Variants in RAB3C observed in about 807,000 individuals in gnomAD.
RAB3C encodes the protein RAB3C, member RAS oncogene family.
Under a neutral mutation model 26.4 loss-of-function variants are expected in RAB3C, and 17 were observed. That is an observed-to-expected ratio of 0.64 (90% CI 0.44 to 0.97). RAB3C has a LOEUF of 0.97. Ranked by LOEUF, RAB3C falls within the 50% of genes least tolerant of loss-of-function variation. RAB3C has a pLI of 0.00. For missense variants in RAB3C, 242 were observed against 281.9 expected (o/e 0.86, Z 1.01); for synonymous variants, 91 against 95.9 (o/e 0.95, Z 0.30).
chr5:58,826,028 A>G (rs944851024), intron 4 of RAB3C, among the ~76,000 whole-genome samples: 4 of 152,190 alleles, frequency 2.6e-5, no homozygotes, highest in African/African-American at 9.7e-5. Context: ...AAACAGGTCA[A>G]TGAGGAGATA....
At chr5:58,610,194 CTGTGTGTGTG>C (rs1168785442) in intron 1 of RAB3C, among the ~76,000 whole-genome samples, 2 of 143,386 alleles carry the variant, frequency 1.4e-5, no homozygotes, top group East Asian at 2.1e-4. Context: ...TTTTGTTTTT[CTGTGTGTGTG>C]TGTGTGTGTG....
chr5:58,768,610 A>G (rs1337904026), intron 3 of RAB3C, among the ~76,000 whole-genome samples: 1 of 152,092 alleles, frequency 6.6e-6, no homozygotes, highest in Non-Finnish European at 1.5e-5. Flanking sequence ...GACCTGAATG[A>G]TGAGAAGGAG....
At chr5:58,697,739 T>C (rs1301496779) in intron 2 of RAB3C, among the ~76,000 whole-genome samples, 1 of 152,206 alleles carries the variant, frequency 6.6e-6, no homozygotes, top group Non-Finnish European at 1.5e-5. Context: ...GAGACTAGGA[T>C]TGCAACCCCT....
chr5:58,735,280 T>G (rs1017554302), intron 3 of RAB3C, among the ~76,000 whole-genome samples: 2 of 152,198 alleles, frequency 1.3e-5, no homozygotes, highest in Admixed American at 6.5e-5. Flanking sequence ...AGCTGGAACA[T>G]GTGTGTCAGA....
intron 3 of RAB3C, among the ~76,000 whole-genome samples, chr5:58,767,020 G>T (rs6884818): frequency 6.6e-6 from 1 of 151,996 alleles, no homozygotes; most frequent in East Asian, 1.9e-4. Context: ...TAGCCAGCGG[G>T]GGGGACTCAG....
At chr5:58,656,081 G>A (rs1312966987) in intron 2 of RAB3C, among the ~76,000 whole-genome samples, 2 of 151,946 alleles carry the variant, frequency 1.3e-5, no homozygotes. Flanking sequence ...CACCGCGCCC[G>A]GCCCTAAACC....
intron 4 of RAB3C, among the ~76,000 whole-genome samples, chr5:58,837,779 G>A (rs755537464): frequency 1.1e-4 from 16 of 150,094 alleles, no homozygotes; most frequent in Non-Finnish European, 1.8e-4. Context: ...GGCTGATCTC[G>A]AACTCCTGAA....
At chr5:58,833,361 CAT>C (rs1554021452) in intron 4 of RAB3C, among the ~76,000 whole-genome samples, 55 of 151,164 alleles carry the variant, frequency 3.6e-4, no homozygotes, top group Middle Eastern at 3.4e-3. Flanking sequence ...CACACACACA[CAT>C]ATTAAGTAAA....
intron 3 of RAB3C, chr5:58,784,751 A>G (rs946040999): frequency 6.6e-6 from 1 of 152,190 alleles, no homozygotes; most frequent in African/African-American, 2.4e-5. Context: ...CGACCTCATC[A>G]CCATGCTTGA....
intron 3 of RAB3C, among the ~76,000 whole-genome samples, chr5:58,757,494 T>C (rs1579902466): frequency 6.6e-6 from 1 of 152,296 alleles, no homozygotes; most frequent in South Asian, 2.1e-4. Context: ...TTTGGGGTTT[T>C]TTAGATAGCC....
At chr5:58,686,205 T>A (rs1434386909) in intron 2 of RAB3C, among the ~76,000 whole-genome samples, 6 of 152,118 alleles carry the variant, frequency 3.9e-5, no homozygotes, top group Admixed American at 6.6e-5. Flanking sequence ...TTGAAAAATA[T>A]CATCATGACA....
intron 2 of RAB3C, among the ~76,000 whole-genome samples, chr5:58,710,467 C>A (rs1048941244): frequency 1.8e-4 from 27 of 151,892 alleles, no homozygotes; most frequent in African/African-American, 6.5e-4. Flanking sequence ...AGCATGGTGG[C>A]ACACGCCTGT....
chr5:58,741,467 C>T lies in RAB3C; in HGVS notation c.371+15347C>T, dbSNP rs1464854725. The T allele has an allele frequency of 3.3e-5, 5 of 152,202 alleles. No homozygotes were observed. In the East Asian group the frequency reaches 9.7e-4, roughly 29 times the overall value. The allele number at this position is 152,202 out of a possible 1,614,324, so 9.4% of individuals were successfully genotyped here. A position where few individuals can be genotyped will look rare whatever the true frequency, so the allele number is the denominator to read the frequency against. On this transcript the variant is annotated intron_variant, in intron 3 of 4. Coordinates refer to ENST00000282878, the MANE Select transcript of RAB3C (RefSeq NM_138453.4). ...CCTGAGTCATCACATTAGCATAAAC[C>T]ATCAAATATGCTCTATGGGGCCCAC...
intron 3 of RAB3C, among the ~76,000 whole-genome samples, chr5:58,747,428 G>A (rs7712698): frequency 0.018 from 2,772 of 152,062 alleles, 65 homozygotes; most frequent in African/African-American, 0.062. Flanking sequence ...GTACGCAACC[G>A]GAGAATAGTA....
At chr5:58,641,974 A>T (rs757569855) in intron 2 of RAB3C, among the ~76,000 whole-genome samples, 1 of 152,230 alleles carries the variant, frequency 6.6e-6, no homozygotes, top group Admixed American at 6.5e-5. Flanking sequence ...TTGGGCACAT[A>T]ACATAACTCC....
chr5:58,624,906 C>T (rs1747021207), intron 2 of RAB3C, among the ~76,000 whole-genome samples: 1 of 152,142 alleles, frequency 6.6e-6, no homozygotes, highest in South Asian at 2.1e-4. Context: ...AACCCCCAAT[C>T]TGGCATTCAG....
At position 58,851,419 on chromosome 5, in the gene RAB3C, A is replaced by C; in HGVS notation, c.*68A>C. ...AACAAACAGCATTTGTAAATGGTCT[A>C]TTAGCCTTCATTTATACTGCCTAAC... is the stretch of plus-strand genomic sequence containing the variant. On this transcript the variant is annotated 3_prime_UTR_variant, in exon 5 of 5. Coordinates refer to ENST00000282878, the MANE Select transcript of RAB3C (RefSeq NM_138453.4). The C allele has an allele frequency of 8.0e-7, 1 of 1,248,040 alleles. No individual in the cohort carries two copies. The highest frequency in any genetic ancestry group is 1.1e-6 in the Non-Finnish European group (1 of 898,904). The allele number at this position is 1,248,040 out of a possible 1,614,324, so 77.3% of individuals were successfully genotyped here. A position where few individuals can be genotyped will look rare whatever the true frequency, so the allele number is the denominator to read the frequency against.
intron 2 of RAB3C, among the ~76,000 whole-genome samples, chr5:58,706,961 A>G (rs1177432205): frequency 6.6e-6 from 1 of 152,306 alleles, no homozygotes; most frequent in Non-Finnish European, 1.5e-5. Flanking sequence ...TCTTTCCATG[A>G]CAGTTTCCAG....
intron 4 of RAB3C, among the ~76,000 whole-genome samples, chr5:58,839,353 A>T (rs921620232): frequency 6.9e-6 from 1 of 145,658 alleles, no homozygotes; most frequent in African/African-American, 2.6e-5. Context: ...TTTTTATTTT[A>T]TTTATTTATT....
Sources: gnomAD v4.1 joint callset for allele counts (sites outside exome capture counted in the v4.1 genomes callset) on GRCh38, gnomAD v4.1.1 for gene constraint, MANE v1.5 for transcripts, NCBI Gene and HGNC (gene_info 2026-07-23, HGNC 2026-07-21) for gene names.